Variants in HCN1 observed in about 807,000 individuals in gnomAD.
HCN1 encodes the protein hyperpolarization activated cyclic nucleotide gated potassium channel 1.
HCN1 carries 13 observed loss-of-function variants against 78.9 expected under a neutral mutation model. That is an observed-to-expected ratio of 0.16 (90% confidence interval 0.11 to 0.26). HCN1 has a LOEUF of 0.26. Among genes scored for constraint, HCN1 ranks in the 10% least tolerant of loss-of-function variants. The pLI is 1.00. For synonymous variants in HCN1, 552 were observed against 455.5 expected, an observed-to-expected ratio of 1.21 and a Z score of -2.70; for missense variants, 810 against 1,154.3, an observed-to-expected ratio of 0.70 and a Z score of 4.32.
At position 45,262,467 on chromosome 5, in the gene HCN1, C is replaced by T; in HGVS notation, c.2127G>A (p.Gln709=). 1.9e-6 allele frequency: 3 copies of T among 1,612,790 alleles called. No individual in the cohort carries two copies. Among genetic ancestry groups the T allele is most frequent in the Non-Finnish European group, 2.5e-6 (3 of 1,179,854 alleles). Residue 709 remains glutamine, a synonymous_variant, in exon 8 of 8, where the codon CAG becomes CAA. Transcript: ENST00000303230. ...YTTAVCSPPV[Q]SPLAARTFHY... ...GGAAAGTTCGAGCGGCCAGAGGGCT[C>T]TGTACAGGAGGGCTGCAGACCGCGG...
chr5:45,328,654 A>C (rs1746283870), intron 5 of HCN1, among the ~76,000 whole-genome samples: 1 of 151,624 alleles, frequency 6.6e-6, no homozygotes, highest in South Asian at 2.1e-4. Context: ...ATTTCATCCC[A>C]CTATTTAGAA....
At chr5:45,504,207 C>T (rs1256334427) in intron 2 of HCN1, among the ~76,000 whole-genome samples, 2 of 152,028 alleles carry the variant, frequency 1.3e-5, no homozygotes, top group African/African-American at 2.4e-5. Flanking sequence ...TCCATTAACT[C>T]GTCATTTACA....
At chr5:45,648,256 CT>C (rs1056494154) in intron 1 of HCN1, among the ~76,000 whole-genome samples, 2 of 152,126 alleles carry the variant, frequency 1.3e-5, no homozygotes, top group East Asian at 1.9e-4. Flanking sequence ...AAGATAGAAG[CT>C]TTTTTTGAAG....
At chr5:45,318,701 T>C (rs948882868) in intron 5 of HCN1, among the ~76,000 whole-genome samples, 4 of 152,034 alleles carry the variant, frequency 2.6e-5, no homozygotes, top group African/African-American at 9.7e-5. Context: ...AGTCACAGTG[T>C]AGGGAGTTTC....
At chr5:45,568,432 T>C (rs1454983488) in intron 2 of HCN1, among the ~76,000 whole-genome samples, 1 of 152,030 alleles carries the variant, frequency 6.6e-6, no homozygotes. Flanking sequence ...TAAATTGGAA[T>C]GAAATAGAAC....
At chr5:45,482,415 T>C (rs1374252588) in intron 2 of HCN1, among the ~76,000 whole-genome samples, 7 of 152,064 alleles carry the variant, frequency 4.6e-5, no homozygotes, top group East Asian at 1.9e-4. Flanking sequence ...TTTCAAGAGA[T>C]TGATCCCCTT....
At chr5:45,583,408 T>C (rs1253057915) in intron 2 of HCN1, among the ~76,000 whole-genome samples, 1 of 152,216 alleles carries the variant, frequency 6.6e-6, no homozygotes, top group African/African-American at 2.4e-5. Flanking sequence ...TATTTGATTC[T>C]TCTCTCTTTT....
chr5:45,445,340 C>T (rs1411538748), intron 3 of HCN1, among the ~76,000 whole-genome samples: 1 of 152,176 alleles, frequency 6.6e-6, no homozygotes, highest in Non-Finnish European at 1.5e-5. Flanking sequence ...GGGAGGGGCA[C>T]CTGCCATTGC....
At chr5:45,508,963 T>C (rs2111751382) in intron 2 of HCN1, among the ~76,000 whole-genome samples, 1 of 152,270 alleles carries the variant, frequency 6.6e-6, no homozygotes, top group East Asian at 1.9e-4. Context: ...TTCAGCCTGC[T>C]TGTAAAAAAT....
intron 2 of HCN1, among the ~76,000 whole-genome samples, chr5:45,605,525 A>G (rs1254295686): frequency 6.6e-6 from 1 of 151,942 alleles, no homozygotes; most frequent in East Asian, 1.9e-4. Flanking sequence ...GATGTCCATA[A>G]TATATTCTTA....
intron 2 of HCN1, among the ~76,000 whole-genome samples, chr5:45,482,298 C>T (rs889269279): frequency 1.6e-4 from 25 of 152,110 alleles, no homozygotes; most frequent in African/African-American, 5.6e-4. Flanking sequence ...GGGCTTCATG[C>T]CCTCAACTCA....
chr5:45,381,869 T>C (rs1266823419), intron 4 of HCN1, among the ~76,000 whole-genome samples: 1 of 152,122 alleles, frequency 6.6e-6, no homozygotes, highest in African/African-American at 2.4e-5. Context: ...AATCATATTA[T>C]TTCCCTGCTT....
intron 6 of HCN1, among the ~76,000 whole-genome samples, chr5:45,297,107 C>A (rs921983656): frequency 2.0e-5 from 3 of 152,030 alleles, no homozygotes; most frequent in African/African-American, 4.8e-5. Context: ...TATTTATTAA[C>A]AGCAAACCTG....
At chr5:45,526,020 A>T (rs1460410765) in intron 2 of HCN1, among the ~76,000 whole-genome samples, 1 of 151,910 alleles carries the variant, frequency 6.6e-6, no homozygotes, top group Non-Finnish European at 1.5e-5. Flanking sequence ...GGCAGTCGGC[A>T]AACCAAAAGA....
chr5:45,358,796 A>C (rs778070820), intron 4 of HCN1, among the ~76,000 whole-genome samples: 12 of 152,124 alleles, frequency 7.9e-5, no homozygotes, highest in Non-Finnish European at 1.8e-4. Flanking sequence ...TAACAGATGC[A>C]AGCAAGCTTT....
At chr5:45,473,482 C>T (rs923784780) in intron 2 of HCN1, among the ~76,000 whole-genome samples, 3 of 151,830 alleles carry the variant, frequency 2.0e-5, no homozygotes, top group African/African-American at 7.2e-5. Context: ...TCTACACTTA[C>T]CCTTTCTTCT....
chr5:45,628,161 C>T (rs1745202817), intron 2 of HCN1, among the ~76,000 whole-genome samples: 1 of 152,116 alleles, frequency 6.6e-6, no homozygotes, highest in Non-Finnish European at 1.5e-5. Context: ...TATTTTCATA[C>T]ATTGTTCTTT....
At chr5:45,324,478 C>T (rs944848478) in intron 5 of HCN1, among the ~76,000 whole-genome samples, 4 of 151,914 alleles carry the variant, frequency 2.6e-5, no homozygotes, top group Admixed American at 2.6e-4. Flanking sequence ...GTTAGAATGA[C>T]GATCATTAAA....
At chr5:45,534,404 CAAAAAAAAAAAAAAAAAAAAAAAAA>C (rs71000637) in intron 2 of HCN1, among the ~76,000 whole-genome samples, 15 of 29,298 alleles carry the variant, frequency 5.1e-4, no homozygotes, top group South Asian at 2.3e-3. Context: ...GACTGCATCT[CAAAAAAAAAAAAAAAAAAAAAAAAA>C]AAAAAAAAAA....
Sources: allele counts gnomAD v4.1 joint callset (sites outside exome capture counted in the v4.1 genomes callset), GRCh38; gene constraint gnomAD v4.1.1; transcripts MANE v1.5; gene names NCBI Gene and HGNC (gene_info 2026-07-23, HGNC 2026-07-21).